CYP4F22: variants seen among roughly 807,000 people sequenced by gnomAD.
CYP4F22 encodes the protein ultra-long-chain fatty acid omega-hydroxylase.
A neutral mutation model predicts 60.4 loss-of-function variants in CYP4F22; 37 were observed. The ratio of observed to expected loss-of-function variants is 0.61; its 90% CI spans 0.47 to 0.81. CYP4F22 has a LOEUF of 0.81. Ranked by LOEUF, CYP4F22 falls within the 30% of genes least tolerant of loss-of-function variation. CYP4F22 has a pLI of 0.00. For synonymous variants in CYP4F22, 258 were observed against 280.5 expected, an observed-to-expected ratio of 0.92 and a Z score of 0.80; for missense variants, 655 against 715.0, an observed-to-expected ratio of 0.92 and a Z score of 0.96.
chr19:15,526,073 G>T (rs550305621), intron 3 of CYP4F22, among the ~76,000 whole-genome samples: 1 of 152,106 alleles, frequency 6.6e-6, no homozygotes, highest in Non-Finnish European at 1.5e-5. Flanking sequence ...GCTGAGGCGC[G>T]AGGATTGTTT....
rs1568365556 is a variant in CYP4F22 at position 15,552,012 on chromosome 19, C to T, written c.*541C>T. The stretch of plus-strand genomic sequence containing the variant: ...GAGGCCCTCAGCTCATACGGGCAGA[C>T]TGCTCAGGCGTGAGGCTGGATCGTA... On this transcript the variant is annotated 3_prime_UTR_variant, in exon 14 of 14. Coordinates refer to ENST00000269703, the MANE Select transcript of CYP4F22 (RefSeq NM_173483.4). 6.3e-6 allele frequency: 1 copy of T among 159,694 alleles called. No individual in the cohort carries two copies. Among genetic ancestry groups the T allele is most frequent in the African/African-American group, 2.4e-5 (1 of 41,472 alleles). 9.9% of individuals were successfully genotyped at this position (159,694 alleles called of 1,614,324 possible).
At chr19:15,511,653 A>T (rs886096666) in intron 1 of CYP4F22, among the ~76,000 whole-genome samples, 2 of 151,964 alleles carry the variant, frequency 1.3e-5, no homozygotes, top group African/African-American at 4.8e-5. Flanking sequence ...ACAGGCTTGG[A>T]GTGAAAAGGA....
At chr19:15,551,185 C>T (rs1971590880) in intron 13 of CYP4F22, 109 bp from the exon 14 acceptor site, 3 of 1,436,214 alleles carry the variant, frequency 2.1e-6, no homozygotes, top group African/African-American at 2.8e-5. Context: ...TTCACTTTAA[C>T]CCTCAGCCAG....
intron 10 of CYP4F22, among the ~76,000 whole-genome samples, chr19:15,546,602 T>C (rs552307234): frequency 2.0e-5 from 3 of 151,938 alleles, no homozygotes; most frequent in African/African-American, 7.3e-5. Flanking sequence ...GAGAACCTGC[T>C]AATTTAAAGA....
Position 15,551,280 on chromosome 19 carries a change from C to A in CYP4F22, c.1419-14C>A. 6.2e-7 allele frequency: 1 copy of A among 1,608,796 alleles called. No homozygotes were observed. Among genetic ancestry groups the A allele is most frequent in the Non-Finnish European group, 8.5e-7 (1 of 1,177,722 alleles). Reference sequence around the variant, plus strand: ...ACAGAAGCTGGGCCTGAGCCCTGTCCCCTCTTCCTCCAGGAATTGCATCGG... The same window carrying A: ...ACAGAAGCTGGGCCTGAGCCCTGTCACCTCTTCCTCCAGGAATTGCATCGG... On this transcript the variant is annotated splice_polypyrimidine_tract_variant and intron_variant, in intron 13 of 13. Coordinates refer to ENST00000269703, the MANE Select transcript of CYP4F22 (RefSeq NM_173483.4).
At position 15,525,395 on chromosome 19, in the gene CYP4F22, G is replaced by A. The variant is rs752778252; in HGVS notation, c.59G>A (p.Arg20His). The stretch of plus-strand genomic sequence containing the variant: ...CTGGGGCTGGAGAAGACGGCGTTCC[G>A]CATATACGCGGTGTCCACCCTTCTC... ...HLLGLEKTAF[R>H]IYAVSTLLLF... is the part of the protein sequence containing the mutation. Residue 20 changes from arginine to histidine, a missense_variant, in exon 3 of 14, where the codon CGC (arginine) becomes CAC (histidine). Around this residue, in one of 3 missense-constraint regions of CYP4F22, gnomAD observed 430 missense variants for 457.1 expected, o/e 0.94. Transcript: ENST00000269703. 65 of 1,613,956 alleles carry A rather than the reference G, an allele frequency of 4.0e-5. No individual in the cohort carries two copies. The highest frequency in any genetic ancestry group is 1.6e-4 in the Middle Eastern group (1 of 6,084).
In CYP4F22 at chr19:15,540,452, A is replaced by G. The variant is rs758040339; in HGVS notation, c.674A>G (p.Lys225Arg). The G allele has an allele frequency of 2.5e-6, 4 of 1,614,088 alleles. No individual in the cohort carries two copies. The African/African-American group carries it at 5.3e-5, about 22-fold the overall frequency. The change falls in exon 8 of 14, where the codon AAG becomes AGG. Residue 225 changes from lysine (K) to arginine (R), a missense_variant and splice_region_variant. By Grantham distance (26) the Lys-to-Arg change is conservative. Around this residue, in one of 3 missense-constraint regions of CYP4F22, gnomAD observed 430 missense variants for 457.1 expected, o/e 0.94. Coordinates refer to ENST00000269703, the MANE Select transcript of CYP4F22 (RefSeq NM_173483.4). ...ATGGATCCCCTTCTCCTTGGCAGGA[A>G]GATGAGTGATTATATCTCCGCTATC... Reference protein sequence around the residue: ...VFSYNSNCQEKMSDYISAIIE... With the variant: ...VFSYNSNCQERMSDYISAIIE...
chr19:15,524,392 G>A (rs1971257508), intron 2 of CYP4F22, among the ~76,000 whole-genome samples: 1 of 152,206 alleles, frequency 6.6e-6, no homozygotes, highest in African/African-American at 2.4e-5. Flanking sequence ...GCTCATGCGT[G>A]TAATCCCAGC....
chr19:15,548,817 G>C (rs1011171720), intron 11 of CYP4F22, among the ~76,000 whole-genome samples: 2 of 152,140 alleles, frequency 1.3e-5, no homozygotes, highest in Non-Finnish European at 2.9e-5. Context: ...TTGAGTGCCA[G>C]GTGATGGCGC....
intron 8 of CYP4F22, among the ~76,000 whole-genome samples, chr19:15,540,978 G>A (rs531151030): frequency 5.9e-5 from 9 of 152,338 alleles, no homozygotes; most frequent in African/African-American, 2.2e-4. Context: ...CTACTTGGGA[G>A]GCTGAAGCAG....
intron 7 of CYP4F22, among the ~76,000 whole-genome samples, chr19:15,539,612 C>T (rs1323655893): frequency 6.6e-6 from 1 of 152,186 alleles, no homozygotes; most frequent in South Asian, 2.1e-4. Flanking sequence ...AACTGCTAAA[C>T]TTTATTTCAG....
intron 4 of CYP4F22, among the ~76,000 whole-genome samples, chr19:15,530,261 G>A (rs1971328274): frequency 6.6e-6 from 1 of 152,180 alleles, no homozygotes; most frequent in South Asian, 2.1e-4. Context: ...ACTCTGACTG[G>A]CAGGGAGGGA....
chr19:15,513,372 T>A (rs1189105642), intron 1 of CYP4F22, among the ~76,000 whole-genome samples: 21 of 142,616 alleles, frequency 1.5e-4, no homozygotes, highest in African/African-American at 5.1e-4. Context: ...TTTTTTTTTT[T>A]TTTTTTTTTT....
At chr19:15,548,861 G>A (rs1971562866) in intron 11 of CYP4F22, among the ~76,000 whole-genome samples, 2 of 152,140 alleles carry the variant, frequency 1.3e-5, no homozygotes, top group Non-Finnish European at 2.9e-5. Context: ...AGGGAGCCAA[G>A]GTAGGTGTTT....
chr19:15,512,318 CATTAA>C (rs1319327406), intron 1 of CYP4F22, among the ~76,000 whole-genome samples: 1 of 152,092 alleles, frequency 6.6e-6, no homozygotes, highest in Non-Finnish European at 1.5e-5. Flanking sequence ...CAAAAGTGAA[CATTAA>C]ATTAAATTAA....
chr19:15,548,262 G>C (rs981106475), intron 11 of CYP4F22, 21 bp downstream of exon 11: 1 of 1,613,576 alleles, frequency 6.2e-7, no homozygotes, highest in African/African-American at 1.3e-5. Flanking sequence ...TGTTCCGCCT[G>C]CTGCTGGTGC....
intron 1 of CYP4F22, among the ~76,000 whole-genome samples, chr19:15,515,824 C>T (rs1271065924): frequency 3.3e-5 from 5 of 151,772 alleles, no homozygotes; most frequent in East Asian, 2.0e-4. Context: ...CCTGGGTTCA[C>T]GCCATTCTCC....
chr19:15,520,345 C>CAA lies in CYP4F22; in HGVS notation c.-108-3333_-108-3332dup, dbSNP rs1200559538. The stretch of plus-strand genomic sequence containing the variant: ...TGGGCGACAGAGCAAGCCTCCATCT[C>CAA]AAAAAAAAAAAAAAAACAAAAACTA... On this transcript the variant is annotated intron_variant, in intron 1 of 13. Coordinates refer to ENST00000269703, the MANE Select transcript of CYP4F22 (RefSeq NM_173483.4). Among the ~76,000 whole-genome samples the CAA allele has an allele frequency of 1.2e-4, 9 of 72,050 alleles. 1 individual carries two copies. The highest frequency in any genetic ancestry group is 1.2e-3 in the East Asian group (2 of 1,722). The allele number at this position is 72,050 out of a possible 152,430, so 47.3% of individuals were successfully genotyped here.
At chr19:15,515,551 C>T (rs994445589) in intron 1 of CYP4F22, 30 of 564,640 alleles carry the variant, frequency 5.3e-5, no homozygotes, top group Non-Finnish European at 9.8e-5. Flanking sequence ...ATGGTGACAC[C>T]CCGTCTCTAC....
Sources: allele counts gnomAD v4.1 joint callset (sites outside exome capture counted in the v4.1 genomes callset), GRCh38; gene constraint gnomAD v4.1.1; regional missense constraint gnomAD v4.1.1; transcripts MANE v1.5; gene names NCBI Gene and HGNC (gene_info 2026-07-23, HGNC 2026-07-21).